ARMC8: variants seen among roughly 807,000 people sequenced by gnomAD.
ARMC8 encodes armadillo repeat-containing protein 8.
Under a neutral mutation model 99.3 loss-of-function variants are expected in ARMC8, and 20 were observed. That is an observed-to-expected ratio of 0.20 (90% CI 0.14 to 0.29). ARMC8 has a LOEUF of 0.29. ARMC8 is among the 10% of genes least tolerant of loss of function. ARMC8 has a pLI of 1.00. For missense variants in ARMC8, 569 were observed against 809.5 expected (o/e 0.70, Z 3.60); for synonymous variants, 263 against 278.3 (o/e 0.95, Z 0.55).
At chr3:138,223,558 ATTAAGG>A (rs754247411) in intron 4 of ARMC8, 27 bp downstream of exon 4, 1 of 1,614,044 alleles carries the variant, frequency 6.2e-7, no homozygotes, top group African/African-American at 1.3e-5. Flanking sequence ...TTTTTGCTCA[ATTAAGG>A]TTAAGAATCA....
intron 12 of ARMC8, among the ~76,000 whole-genome samples, chr3:138,248,567 C>T (rs1465649621): frequency 1.3e-5 from 2 of 152,092 alleles, no homozygotes; most frequent in African/African-American, 2.4e-5. Context: ...TACTGGCATC[C>T]CCAGTCAGTG....
intron 2 of ARMC8, among the ~76,000 whole-genome samples, chr3:138,212,957 G>T (rs950017301): frequency 4.6e-5 from 7 of 152,172 alleles, no homozygotes; most frequent in African/African-American, 1.7e-4. Context: ...TTTCAAGTTT[G>T]ATTTTTCTCA....
At chr3:138,196,816 G>C (rs2043760721) in intron 1 of ARMC8, among the ~76,000 whole-genome samples, 1 of 152,178 alleles carries the variant, frequency 6.6e-6, no homozygotes, top group East Asian at 1.9e-4. Context: ...GCAGTGAGCT[G>C]AGATCGCACC....
intron 11 of ARMC8, 23 bp from the exon 12 acceptor site, chr3:138,245,065 A>C (rs776010741): frequency 1.2e-6 from 2 of 1,612,972 alleles, no homozygotes; most frequent in South Asian, 1.1e-5. Flanking sequence ...CTGAGTTGGA[A>C]CATATCCTTT....
At chr3:138,274,658 T>A in intron 18 of ARMC8, 114 bp downstream of exon 18, 2 of 729,496 alleles carry the variant, frequency 2.7e-6, no homozygotes, top group Non-Finnish European at 4.6e-6. Flanking sequence ...AGATGGGAGA[T>A]GCTCTAGAAA....
chr3:138,223,722 C>T lies in ARMC8; in HGVS notation c.424C>T (p.Leu142=). The T allele has an allele frequency of 6.2e-7, 1 of 1,613,582 alleles. No individual in the cohort carries two copies. The highest frequency in any genetic ancestry group is 8.5e-7 in the Non-Finnish European group (1 of 1,179,522). The change falls in exon 5 of 22, where the codon CTA becomes TTA. Residue 142 remains leucine (L), a synonymous_variant. Coordinates refer to ENST00000469044, the MANE Select transcript of ARMC8 (RefSeq NM_001363941.2). ...IFTSPVTPEE[L]LYTDATVIPH... ...CACCAGTCCTGTCACTCCAGAGGAGCTACTGTATACAGTGAGTTTTAGATG... is the reference window on the plus strand; with the variant it reads ...CACCAGTCCTGTCACTCCAGAGGAGTTACTGTATACAGTGAGTTTTAGATG...
chr3:138,235,644 A>G (rs890864328), intron 7 of ARMC8, among the ~76,000 whole-genome samples: 3 of 152,188 alleles, frequency 2.0e-5, no homozygotes, highest in East Asian at 1.9e-4. Flanking sequence ...TTCGCCATTC[A>G]TTGTTGTCCA....
chr3:138,202,972 T>C (rs900266080), intron 1 of ARMC8, among the ~76,000 whole-genome samples: 1 of 152,238 alleles, frequency 6.6e-6, no homozygotes, highest in African/African-American at 2.4e-5. Context: ...TAAATTTTTT[T>C]CAAAAGGCAA....
chr3:138,268,051 T>C (rs992307397), intron 15 of ARMC8, among the ~76,000 whole-genome samples: 3 of 152,090 alleles, frequency 2.0e-5, no homozygotes, highest in Non-Finnish European at 4.4e-5. Context: ...GAGACCAGCC[T>C]GGCCAACATG....
intron 18 of ARMC8, among the ~76,000 whole-genome samples, chr3:138,282,825 A>T (rs776619158): frequency 6.6e-6 from 1 of 152,264 alleles, no homozygotes; most frequent in Non-Finnish European, 1.5e-5. Flanking sequence ...TACACTTGGC[A>T]TGCTCATGTC....
chr3:138,250,013 G>C (rs2047051008), intron 12 of ARMC8, among the ~76,000 whole-genome samples: 1 of 152,076 alleles, frequency 6.6e-6, no homozygotes, highest in East Asian at 1.9e-4. Context: ...TTGAAAACAT[G>C]AACTCTTAAG....
intron 18 of ARMC8, among the ~76,000 whole-genome samples, chr3:138,275,592 T>C (rs760843384): frequency 1.3e-5 from 2 of 151,866 alleles, no homozygotes; most frequent in East Asian, 1.9e-4. Context: ...TGTAGACATA[T>C]AGGTATGTCT....
At chr3:138,188,261 C>T (rs547093070) in intron 1 of ARMC8, 4 of 675,046 alleles carry the variant, frequency 5.9e-6, no homozygotes, top group Non-Finnish European at 9.1e-6. Flanking sequence ...TTCCCTGTGC[C>T]TGGTATTCCG....
chr3:138,293,031 C>T (rs1311967578), intron 21 of ARMC8, among the ~76,000 whole-genome samples: 1 of 152,188 alleles, frequency 6.6e-6, no homozygotes, highest in African/African-American at 2.4e-5. Context: ...GACCCACTCT[C>T]CACCCTCCCC....
At chr3:138,264,523 G>A (rs1232759121) in intron 14 of ARMC8, among the ~76,000 whole-genome samples, 1 of 142,830 alleles carries the variant, frequency 7.0e-6, no homozygotes, top group African/African-American at 2.6e-5. Flanking sequence ...CGGTTCAAGC[G>A]ATTCTTCTGC....
intron 6 of ARMC8, among the ~76,000 whole-genome samples, chr3:138,233,343 T>C (rs998820604): frequency 1.3e-5 from 2 of 152,208 alleles, no homozygotes; most frequent in Admixed American, 6.5e-5. Flanking sequence ...ACAATAACTA[T>C]ATCACACCAT....
At chr3:138,279,518 CT>C (rs1168653506) in intron 18 of ARMC8, among the ~76,000 whole-genome samples, 2 of 152,024 alleles carry the variant, frequency 1.3e-5, no homozygotes, top group Non-Finnish European at 2.9e-5. Flanking sequence ...TTAATAATGT[CT>C]TTTTCTGGTT....
intron 6 of ARMC8, among the ~76,000 whole-genome samples, chr3:138,230,481 T>A (rs1188328053): frequency 2.0e-5 from 3 of 151,962 alleles, no homozygotes; most frequent in Non-Finnish European, 2.9e-5. Context: ...CGAAACCCCA[T>A]CTCTACAAAA....
chr3:138,255,429 C>T (rs2047348366), intron 12 of ARMC8, among the ~76,000 whole-genome samples: 1 of 151,950 alleles, frequency 6.6e-6, no homozygotes, highest in African/African-American at 2.4e-5. Context: ...GTCTCGATCT[C>T]CTGACCTTGT....
Sources: allele counts gnomAD v4.1 joint callset (sites outside exome capture counted in the v4.1 genomes callset), GRCh38; gene constraint gnomAD v4.1.1; transcripts MANE v1.5; gene names NCBI Gene and HGNC (gene_info 2026-07-23, HGNC 2026-07-21).